The following SLC4A4 variants were observed in gnomAD, a reference collection of about 807,000 sequenced individuals.
SLC4A4 encodes electrogenic sodium bicarbonate cotransporter 1.
SLC4A4 carries 27 observed loss-of-function variants against 111.5 expected under a neutral mutation model. The observed-to-expected ratio is 0.24, with a 90% CI of 0.18 to 0.33. SLC4A4 has a LOEUF of 0.33. SLC4A4 is among the 10% of genes least tolerant of loss of function. The probability of loss-of-function intolerance (pLI) is 1.00; values close to 1 mark genes in which losing one functional copy is unlikely to be tolerated. For missense variants in SLC4A4, 909 were observed against 1,315.5 expected, an observed-to-expected ratio of 0.69 and a Z score of 4.78; for synonymous variants, 443 against 463.4, an observed-to-expected ratio of 0.96 and a Z score of 0.57.
intron 2 of SLC4A4, among the ~76,000 whole-genome samples, chr4:71,101,934 G>T (rs879175464): frequency 6.6e-6 from 1 of 151,992 alleles, no homozygotes; most frequent in Non-Finnish European, 1.5e-5. Flanking sequence ...TGACTTTGGC[G>T]AGCTGAGAGA....
Position 71,416,731 on chromosome 4 carries a change from A to G in SLC4A4, c.807+19078A>G, listed in dbSNP as rs560877647. Among the ~76,000 whole-genome samples the G allele has an allele frequency of 3.4e-4, 51 of 152,150 alleles. No individual in the cohort carries two copies. In the South Asian group the frequency reaches 7.7e-3, roughly 23 times the overall value. ...TATTATTACTAGTAATTTTAGAATT[A>G]TTATTGAAGCTCTTTGTGCCTGTTG... On this transcript the variant is annotated intron_variant, in intron 7 of 25. Coordinates refer to ENST00000264485, the MANE Select transcript of SLC4A4 (RefSeq NM_001098484.3).
At chr4:71,326,464 A>G (rs1265600159) in intron 3 of SLC4A4, among the ~76,000 whole-genome samples, 1 of 151,986 alleles carries the variant, frequency 6.6e-6, no homozygotes, top group East Asian at 1.9e-4. Flanking sequence ...ATGGGTTCTC[A>G]GGGAGGACTG....
chr4:71,137,241 T>C (rs928995330), intron 2 of SLC4A4, among the ~76,000 whole-genome samples: 1 of 152,182 alleles, frequency 6.6e-6, no homozygotes, highest in Non-Finnish European at 1.5e-5. Flanking sequence ...GAAGCCCTCA[T>C]CTTTCACCCC....
At chr4:71,526,605 TTA>T (rs1733443319) in intron 16 of SLC4A4, among the ~76,000 whole-genome samples, 2 of 152,100 alleles carry the variant, frequency 1.3e-5, no homozygotes, top group African/African-American at 4.8e-5. Flanking sequence ...CTCTGTTTGT[TTA>T]TATGTTATTA....
At chr4:71,349,041 A>G (rs1421356652) in intron 4 of SLC4A4, among the ~76,000 whole-genome samples, 1 of 152,186 alleles carries the variant, frequency 6.6e-6, no homozygotes, top group Non-Finnish European at 1.5e-5. Context: ...ATTTTCCTTT[A>G]ACAGTGTAGG....
intron 16 of SLC4A4, among the ~76,000 whole-genome samples, chr4:71,524,576 A>T (rs947864604): frequency 3.3e-5 from 5 of 152,072 alleles, no homozygotes; most frequent in African/African-American, 1.2e-4. Context: ...CCTTTTATTA[A>T]ATTCTGATTA....
Position 71,145,680 on chromosome 4 carries a change from G to T in SLC4A4, c.-2+52888G>T, listed in dbSNP as rs555797384. Among the ~76,000 whole-genome samples, 7 of 152,236 alleles carry T rather than the reference G, an allele frequency of 4.6e-5. No homozygotes were observed. In the South Asian group the frequency reaches 1.2e-3, roughly 27 times the overall value. Reference sequence around the variant, plus strand: ...TTCTTCCTGGTTTATTCTTGGGAGGGTGTATGTTTTGAGGAATTTATCCAT... The same window carrying T: ...TTCTTCCTGGTTTATTCTTGGGAGGTTGTATGTTTTGAGGAATTTATCCAT... On this transcript the variant is annotated intron_variant, in intron 2 of 26. Coordinates refer to the SLC4A4 transcript ENST00000649996.
At chr4:71,290,466 G>C (rs919790704) in intron 3 of SLC4A4, among the ~76,000 whole-genome samples, 1 of 152,178 alleles carries the variant, frequency 6.6e-6, no homozygotes, top group South Asian at 2.1e-4. Context: ...GGGGATTGAA[G>C]ACTTGAGAAA....
At chr4:71,065,318 G>A (rs556201217) in intron 1 of SLC4A4, among the ~76,000 whole-genome samples, 1 of 147,636 alleles carries the variant, frequency 6.8e-6, no homozygotes, top group East Asian at 1.9e-4. Flanking sequence ...AGGGTAGGGG[G>A]TATTTTGCCC....
At chr4:71,147,499 C>G (rs370758358) in intron 2 of SLC4A4, among the ~76,000 whole-genome samples, 3 of 152,236 alleles carry the variant, frequency 2.0e-5, no homozygotes, top group South Asian at 4.2e-4. Flanking sequence ...TCCTTCCTTT[C>G]TCCTTGCACT....
intron 3 of SLC4A4, among the ~76,000 whole-genome samples, chr4:71,325,379 C>T (rs1727426417): frequency 6.6e-6 from 1 of 151,946 alleles, no homozygotes; most frequent in South Asian, 2.1e-4. Flanking sequence ...GAAAATTTAG[C>T]TCAGATTGCT....
chr4:71,100,705 C>G (rs926895467), intron 2 of SLC4A4, among the ~76,000 whole-genome samples: 1 of 152,184 alleles, frequency 6.6e-6, no homozygotes, highest in African/African-American at 2.4e-5. Flanking sequence ...ACCCCACAGT[C>G]TCACCCCAAA....
At chr4:71,219,847 G>T (rs1238242948) in intron 1 of SLC4A4, among the ~76,000 whole-genome samples, 2 of 152,186 alleles carry the variant, frequency 1.3e-5, no homozygotes, top group Non-Finnish European at 2.9e-5. Flanking sequence ...AAGAGAACTA[G>T]AATTAGAAGT....
intron 6 of SLC4A4, among the ~76,000 whole-genome samples, chr4:71,382,147 A>G (rs1270286493): frequency 6.6e-6 from 1 of 152,162 alleles, no homozygotes; most frequent in African/African-American, 2.4e-5. Flanking sequence ...GTTTTTGGTT[A>G]AGGAGTGAAT....
chr4:71,299,134 A>AT (rs1161994215), intron 3 of SLC4A4, among the ~76,000 whole-genome samples: 1 of 152,196 alleles, frequency 6.6e-6, no homozygotes. Context: ...AGAGACTCTC[A>AT]TTTTTGCTAT....
chr4:71,068,920 C>T (rs1314951397), intron 1 of SLC4A4, among the ~76,000 whole-genome samples: 4 of 152,116 alleles, frequency 2.6e-5, no homozygotes, highest in Non-Finnish European at 5.9e-5. Flanking sequence ...ATGGGAGTGA[C>T]TGATACAAAG....
At chr4:71,208,842 T>A (rs191849640) in intron 1 of SLC4A4, among the ~76,000 whole-genome samples, 1 of 152,332 alleles carries the variant, frequency 6.6e-6, no homozygotes, top group African/African-American at 2.4e-5. Context: ...TTAGATGATA[T>A]TCACGTGACC....
intron 16 of SLC4A4, among the ~76,000 whole-genome samples, chr4:71,510,105 G>A (rs758218341): frequency 4.6e-5 from 7 of 152,118 alleles, no homozygotes; most frequent in Non-Finnish European, 8.8e-5. Context: ...GGACTTGTGA[G>A]GACAGGGGAC....
chr4:71,267,802 A>AAAAAAG (rs1722393318), intron 3 of SLC4A4, among the ~76,000 whole-genome samples: 3 of 148,156 alleles, frequency 2.0e-5, no homozygotes, highest in African/African-American at 7.6e-5. Flanking sequence ...AAAAAAAAAA[A>AAAAAAG]AAAAAAAAAA....
Sources: allele counts gnomAD v4.1 joint callset (sites outside exome capture counted in the v4.1 genomes callset), GRCh38; gene constraint gnomAD v4.1.1; transcripts MANE v1.5; gene names NCBI Gene and HGNC (gene_info 2026-07-23, HGNC 2026-07-21).